TSPEAR: variants seen among roughly 807,000 people sequenced by gnomAD.
TSPEAR encodes thrombospondin-type laminin G domain and EAR repeat-containing protein.
In TSPEAR, 69 loss-of-function variants were observed where a neutral mutation model predicts 71.6. That is an observed-to-expected ratio of 0.96 (90% confidence interval 0.79 to 1.18). The LOEUF (loss-of-function observed/expected upper bound fraction) is 1.18. TSPEAR is among the 50% of genes most tolerant of loss of function. TSPEAR has a pLI of 0.00. For synonymous variants in TSPEAR, 402 were observed against 387.2 expected (o/e 1.04, Z -0.45); for missense variants, 971 against 894.9 (o/e 1.09, Z -1.09).
At chr21:44,533,958 G>A (rs1555916085) in intron 2 of TSPEAR, 35 bp from the exon 3 acceptor site, 1 of 1,547,302 alleles carries the variant, frequency 6.5e-7, no homozygotes. Flanking sequence ...GACGGGGCTG[G>A]GGGTAGGGGT....
rs1174401040 is a variant in TSPEAR at position 44,498,347 on chromosome 21, T to G, written c.*1436A>C. On this transcript the variant is annotated 3_prime_UTR_variant, in exon 12 of 12. Transcript: ENST00000323084. Reference sequence around the variant, plus strand: ...GTGTGATTGGGACCTTCTGAGTGACTTGGTGGAAAGCAGGGCCCAACCCTC... The same window carrying G: ...GTGTGATTGGGACCTTCTGAGTGACGTGGTGGAAAGCAGGGCCCAACCCTC... 1 of 152,164 alleles carries G rather than the reference T, an allele frequency of 6.6e-6. No individual in the cohort carries two copies. The highest frequency in any genetic ancestry group is 1.5e-5 in the Non-Finnish European group (1 of 68,040). 9.4% of individuals were successfully genotyped at this position (152,164 alleles called of 1,614,324 possible).
At chr21:44,670,672 C>T (rs1986012013) in intron 1 of TSPEAR, among the ~76,000 whole-genome samples, 1 of 152,162 alleles carries the variant, frequency 6.6e-6, no homozygotes, top group African/African-American at 2.4e-5. Context: ...TAGGGATTTG[C>T]CAGGATGCCA....
At chr21:44,609,759 G>T (rs587607913) in intron 1 of TSPEAR, among the ~76,000 whole-genome samples, 1 of 152,190 alleles carries the variant, frequency 6.6e-6, no homozygotes, top group South Asian at 2.1e-4. Flanking sequence ...AATTTAATCT[G>T]GTTCCACTAT....
intron 1 of TSPEAR, among the ~76,000 whole-genome samples, chr21:44,701,872 C>A (rs893785896): frequency 1.3e-5 from 2 of 152,146 alleles, no homozygotes; most frequent in East Asian, 1.9e-4. Flanking sequence ...TAGAACGTGT[C>A]CCCCCTGAGC....
At chr21:44,598,774 C>T (rs1555927918) in intron 1 of TSPEAR, among the ~76,000 whole-genome samples, 1 of 152,196 alleles carries the variant, frequency 6.6e-6, no homozygotes, top group Non-Finnish European at 1.5e-5. Flanking sequence ...TTCAGATCCT[C>T]CTGGTTCCTT....
chr21:44,636,611 G>A (rs1555936725), intron 1 of TSPEAR, among the ~76,000 whole-genome samples: 1 of 152,150 alleles, frequency 6.6e-6, no homozygotes, highest in African/African-American at 2.4e-5. Context: ...GGCCCCATCT[G>A]ACACTTTTCT....
intron 2 of TSPEAR, among the ~76,000 whole-genome samples, chr21:44,554,199 A>G (rs980788610): frequency 6.6e-6 from 1 of 152,200 alleles, no homozygotes; most frequent in African/African-American, 2.4e-5. Context: ...TGCCCTTTAA[A>G]GAAGAAACCG....
At position 44,638,576 on chromosome 21, in the gene TSPEAR, G is replaced by A. The variant is rs1040791066; in HGVS notation, c.83-70571C>T. ...CTGGCTCCACCCCTCTGTCTCTGTC[G>A]ACCTTCCATCCTGTCTGTGGACCCC... On this transcript the variant is annotated intron_variant, in intron 1 of 11. Transcript: ENST00000323084. 7 of 252,040 alleles carry A rather than the reference G, an allele frequency of 2.8e-5. 1 individual carries two copies. The highest frequency in any genetic ancestry group is 9.0e-5 in the African/African-American group (4 of 44,586). The allele number at this position is 252,040 out of a possible 1,614,324, so 15.6% of individuals were successfully genotyped here. A position where few individuals can be genotyped will look rare whatever the true frequency, so the allele number is the denominator to read the frequency against.
At chr21:44,606,645 T>A (rs1159991029) in intron 1 of TSPEAR, among the ~76,000 whole-genome samples, 2 of 152,172 alleles carry the variant, frequency 1.3e-5, no homozygotes, top group Admixed American at 1.3e-4. Flanking sequence ...GATGAATGGA[T>A]AAAGAAAGTG....
intron 1 of TSPEAR, among the ~76,000 whole-genome samples, chr21:44,649,518 C>A (rs587603935): frequency 1.3e-5 from 2 of 152,292 alleles, no homozygotes; most frequent in Non-Finnish European, 2.9e-5. Flanking sequence ...CCCCTCCAGG[C>A]AAATCCCACT....
rs1379604055 is a variant in TSPEAR at position 44,666,738 on chromosome 21, A to G, written c.82+44695T>C. 5 of 1,611,634 alleles carry G rather than the reference A, an allele frequency of 3.1e-6. No homozygotes were observed. In the South Asian group the frequency reaches 3.3e-5, roughly 11 times the overall value. ...CACGGGCAGGCACACGGCTGGCTTG[A>G]AGCTCACGGGCACACACACGGAGGA... is the stretch of plus-strand genomic sequence containing the variant. On this transcript the variant is annotated intron_variant, in intron 1 of 11. Transcript: ENST00000323084.
At chr21:44,591,795 C>A in intron 1 of TSPEAR, 1 of 1,587,700 alleles carries the variant, frequency 6.3e-7, no homozygotes, top group Non-Finnish European at 8.6e-7. Context: ...AGCAGACGGG[C>A]ACGCAGCAGG....
intron 1 of TSPEAR, among the ~76,000 whole-genome samples, chr21:44,594,272 T>A (rs919513252): frequency 1.7e-4 from 26 of 152,108 alleles, no homozygotes; most frequent in African/African-American, 6.3e-4. Flanking sequence ...ACTTTTGCCA[T>A]TGAGAAATCA....
chr21:44,572,162 C>T lies in TSPEAR; in HGVS notation c.83-4157G>A, dbSNP rs587719121. On this transcript the variant is annotated intron_variant, in intron 1 of 11. Coordinates refer to ENST00000323084, the MANE Select transcript of TSPEAR (RefSeq NM_144991.3). ...CACGAGGAAACCTCAAGCAAGTCCA[C>T]GTGGAGGGGCATTCTACAAAACACC... Among the ~76,000 whole-genome samples the T allele has an allele frequency of 1.2e-4, 18 of 152,342 alleles. No homozygotes were observed. In the South Asian group the frequency reaches 1.2e-3, roughly 11 times the overall value.
At chr21:44,647,697 T>G in intron 1 of TSPEAR, 1 of 353,018 alleles carries the variant, frequency 2.8e-6, no homozygotes, top group Non-Finnish European at 5.5e-6. Flanking sequence ...CCCCTCTGCC[T>G]ACTCCAAATT....
intron 1 of TSPEAR, chr21:44,637,907 G>T (rs1983747598): frequency 2.6e-6 from 4 of 1,531,442 alleles, no homozygotes; most frequent in African/African-American, 2.8e-5. Flanking sequence ...GTGCTCTGGG[G>T]CTTCCACTTC....
At chr21:44,508,509 C>T (rs191998990) in intron 10 of TSPEAR, 55 of 1,087,038 alleles carry the variant, frequency 5.1e-5, no homozygotes, top group Middle Eastern at 4.4e-4. Context: ...CTGGGTAATA[C>T]GGATTCGATT....
At chr21:44,648,732 C>G (rs1015250154) in intron 1 of TSPEAR, among the ~76,000 whole-genome samples, 5 of 152,168 alleles carry the variant, frequency 3.3e-5, no homozygotes, top group African/African-American at 9.7e-5. Flanking sequence ...CTTTCAGCCT[C>G]CCGATGGCTC....
chr21:44,568,004 G>A lies in TSPEAR; in HGVS notation c.84C>T (p.Asp28=). The A allele has an allele frequency of 6.6e-7, 1 of 1,515,052 alleles. No individual in the cohort carries two copies. The highest frequency in any genetic ancestry group is 1.3e-5 in the South Asian group (1 of 75,500). 93.9% of individuals were successfully genotyped at this position (1,515,052 alleles called of 1,614,324 possible). ...CCGCCAGGATGTCCAGGGGGCGCAG[G>A]TCTGTGGCAAAGAAATCACAGGTGG... The part of the protein sequence containing the change: ...HGTQGWEPCT[D]LRPLDILAEV... The change falls in exon 2 of 12, where the codon GAC becomes GAT. Residue 28 remains aspartate, a splice_region_variant and synonymous_variant. Transcript: ENST00000323084.
Sources: allele counts gnomAD v4.1 joint callset (sites outside exome capture counted in the v4.1 genomes callset), GRCh38; gene constraint gnomAD v4.1.1; transcripts MANE v1.5; gene names NCBI Gene and HGNC (gene_info 2026-07-23, HGNC 2026-07-21).